The following CACNA1C variants were observed in gnomAD, a reference collection of about 807,000 sequenced individuals.
CACNA1C encodes voltage-dependent L-type calcium channel subunit alpha-1C.
CACNA1C carries 30 observed loss-of-function variants against 229.0 expected under a neutral mutation model. The observed-to-expected ratio is 0.13, with a 90% confidence interval of 0.10 to 0.18. The LOEUF (loss-of-function observed/expected upper bound fraction) is 0.18. Among genes scored for constraint, CACNA1C ranks in the 10% least tolerant of loss-of-function variants. The probability of loss-of-function intolerance (pLI) is 1.00; values close to 1 mark genes in which losing one functional copy is unlikely to be tolerated. For synonymous variants in CACNA1C, 1,114 were observed against 1,132.5 expected (o/e 0.98, Z 0.33); for missense variants, 1,658 against 2,845.0 (o/e 0.58, Z 9.49).
At chr12:2,055,235 G>A (rs1316772275) in intron 1 of CACNA1C, among the ~76,000 whole-genome samples, 1 of 152,204 alleles carries the variant, frequency 6.6e-6, no homozygotes, top group African/African-American at 2.4e-5. Context: ...AATGGTTTAG[G>A]AGGGAAGGAG....
chr12:2,550,107 A>G (rs2099895038), intron 10 of CACNA1C, 74 bp downstream of exon 10: 1 of 1,043,302 alleles, frequency 9.6e-7, no homozygotes. Context: ...TCTGGAAATC[A>G]CAGTGGGCTG....
rs184122800 is a variant in CACNA1C at position 2,557,320 on chromosome 12, A to G, written c.1508+343A>G. Among the ~76,000 whole-genome samples, 64 of 152,332 alleles carry G rather than the reference A, an allele frequency of 4.2e-4. 1 individual carries two copies. The East Asian group carries it at 8.1e-3, about 19-fold the overall frequency. ...CCTTGTGACTGTCATGACCTACTTCATGTTTATAGAACATGGTGAGATGTA... is the reference window on the plus strand; with the variant it reads ...CCTTGTGACTGTCATGACCTACTTCGTGTTTATAGAACATGGTGAGATGTA... On this transcript the variant is annotated intron_variant, in intron 11 of 46. Coordinates refer to ENST00000399655, the MANE Select transcript of CACNA1C (RefSeq NM_000719.7).
chr12:2,095,605 C>T (rs183741032), intron 1 of CACNA1C, among the ~76,000 whole-genome samples: 8 of 152,294 alleles, frequency 5.3e-5, no homozygotes, highest in South Asian at 2.1e-4. Flanking sequence ...TCCAGTGTTT[C>T]GCCAGTCCTT....
chr12:2,203,993 A>C (rs1279106053), intron 3 of CACNA1C, among the ~76,000 whole-genome samples: 1 of 152,198 alleles, frequency 6.6e-6, no homozygotes, highest in Non-Finnish European at 1.5e-5. Context: ...CTTGCAAAAC[A>C]ACAATGTGAT....
At position 2,486,736 on chromosome 12, in the gene CACNA1C, C is replaced by G. The variant is rs1035767352; in HGVS notation, c.916+474C>G. ...CTAAGATTTTTCTACCTTCATGGTG[C>G]TGATTCCAGATCCTCTGTAATTATT... On this transcript the variant is annotated intron_variant, in intron 6 of 46. Transcript: ENST00000399655. This position sits in a 1 kb window ranked among gnomAD's most constrained non-coding sequence, Gnocchi z 4.9. Among the ~76,000 whole-genome samples the G allele has an allele frequency of 1.3e-5, 2 of 152,162 alleles. No individual in the cohort carries two copies. The highest frequency in any genetic ancestry group is 2.4e-5 in the African/African-American group (1 of 41,426).
intron 3 of CACNA1C, among the ~76,000 whole-genome samples, chr12:2,194,888 G>C (rs1218531254): frequency 6.6e-6 from 1 of 152,176 alleles, no homozygotes. Flanking sequence ...GTTGAAAATA[G>C]GAATGTTTTC....
At chr12:2,447,285 G>C (rs2099307739) in intron 3 of CACNA1C, among the ~76,000 whole-genome samples, 1 of 152,148 alleles carries the variant, frequency 6.6e-6, no homozygotes, top group Non-Finnish European at 1.5e-5. Context: ...CAACCCCAAG[G>C]CAGCTGCCTC....
intron 1 of CACNA1C, among the ~76,000 whole-genome samples, chr12:2,078,864 G>A (rs2064276609): frequency 1.3e-5 from 2 of 151,988 alleles, no homozygotes; most frequent in South Asian, 4.2e-4. Flanking sequence ...CAATAGCAAA[G>A]ACTTGGAACC....
rs187118755 is a variant in CACNA1C, at chr12:2,598,934, G to A, written c.2853+1645G>A. On this transcript the variant is annotated intron_variant, in intron 21 of 46. Transcript: ENST00000399655. ...TTCCTGGAGGTCGGGAGAGGGAACC[G>A]AAAGTTGCGTGGCTGCACTAAGATG... Among the ~76,000 whole-genome samples, 28 of 152,292 alleles carry A rather than the reference G, an allele frequency of 1.8e-4. No individual in the cohort carries two copies. In the East Asian group the frequency reaches 3.3e-3, roughly 18 times the overall value.
chr12:2,369,403 C>CTT (rs372810217), intron 3 of CACNA1C, among the ~76,000 whole-genome samples: 36 of 142,066 alleles, frequency 2.5e-4, no homozygotes, highest in African/African-American at 8.7e-4. Flanking sequence ...CTTTACATAC[C>CTT]TTTTTTTTTT....
intron 3 of CACNA1C, among the ~76,000 whole-genome samples, chr12:2,199,908 T>C (rs917472473): frequency 4.6e-5 from 7 of 152,100 alleles, no homozygotes; most frequent in African/African-American, 1.7e-4. Context: ...TAAAAAAAAG[T>C]GCTACCATCC....
chr12:2,109,809 T>G (rs2080913791), intron 1 of CACNA1C, among the ~76,000 whole-genome samples: 1 of 152,116 alleles, frequency 6.6e-6, no homozygotes, highest in Non-Finnish European at 1.5e-5. Context: ...TCACAACCCC[T>G]TTCCTTAGAA....
rs574987831 is a variant in CACNA1C, at chr12:2,663,774, C to T, written c.4233-1051C>T. ...TTTTTTTTTTTGAGACGGAGTCTCG[C>T]TCTGTCGCCCAGGCTGGAGTACAGT... is the stretch of plus-strand genomic sequence containing the variant. On this transcript the variant is annotated intron_variant, in intron 34 of 46. Transcript: ENST00000399655. 7.9e-5 allele frequency among the ~76,000 whole-genome samples: 11 copies of T among 140,006 alleles called. No homozygotes were observed. In the South Asian group the frequency reaches 1.6e-3, roughly 20 times the overall value. 91.8% of individuals were successfully genotyped at this position (140,006 alleles called of 152,430 possible).
Position 2,067,056 on chromosome 12 carries a change from G to A in CACNA1C, c.49+13445G>A, listed in dbSNP as rs1246429072. On this transcript the variant is annotated intron_variant, in intron 1 of 46. Transcript: ENST00000399655. The surrounding 1 kb of genome is among the most constrained non-coding windows in gnomAD (Gnocchi z 5.3). ...GTCTGGAAGCATGAGTTAGGGGCCA[G>A]GAGTGATTGGCATTCCTAGAGAAAG... Among the ~76,000 whole-genome samples, 1 of 152,178 alleles carries A rather than the reference G, an allele frequency of 6.6e-6. No homozygotes were observed. Among genetic ancestry groups the A allele is most frequent in the Non-Finnish European group, 1.5e-5 (1 of 68,014 alleles).
At chr12:2,669,301 G>A (rs974010998) in intron 38 of CACNA1C, among the ~76,000 whole-genome samples, 13 of 151,746 alleles carry the variant, frequency 8.6e-5, no homozygotes, top group Non-Finnish European at 1.8e-4. Context: ...ATTGTCTTGG[G>A]CCACACATAA....
intron 3 of CACNA1C, among the ~76,000 whole-genome samples, chr12:2,171,931 C>A (rs1036673530): frequency 6.6e-6 from 1 of 152,156 alleles, no homozygotes; most frequent in Non-Finnish European, 1.5e-5. Context: ...GCAGCACATG[C>A]CATGGCCCTG....
At chr12:2,453,344 G>T (rs1281101905) in intron 4 of CACNA1C, among the ~76,000 whole-genome samples, 1 of 152,124 alleles carries the variant, frequency 6.6e-6, no homozygotes, top group African/African-American at 2.4e-5. Flanking sequence ...TCACTTAAGA[G>T]CTCAAGCCTA....
chr12:2,095,098 A>AG (rs1031157065), intron 1 of CACNA1C, among the ~76,000 whole-genome samples: 48 of 152,324 alleles, frequency 3.2e-4, no homozygotes, highest in African/African-American at 1.1e-3. Flanking sequence ...ACGGGAACTT[A>AG]GGGCTCCTGC....
chr12:1,997,081 C>T (rs932920136), intron 1 of CACNA1C, among the ~76,000 whole-genome samples: 3 of 150,882 alleles, frequency 2.0e-5, no homozygotes, highest in Non-Finnish European at 3.0e-5. Flanking sequence ...TATATGCACT[C>T]GTAATTTGAT....
Sources: gnomAD v4.1 joint callset for allele counts (sites outside exome capture counted in the v4.1 genomes callset) on GRCh38, gnomAD v4.1.1 for gene constraint, Gnocchi (gnomAD v3.1) non-coding constraint, MANE v1.5 for transcripts, NCBI Gene and HGNC (gene_info 2026-07-23, HGNC 2026-07-21) for gene names.